KCNH8: variants seen among roughly 807,000 people sequenced by gnomAD.
KCNH8 encodes the protein potassium voltage-gated channel subfamily H member 8.
KCNH8 carries 70 observed loss-of-function variants against 103.6 expected under a neutral mutation model. That is an observed-to-expected ratio of 0.68 (90% CI 0.56 to 0.82). KCNH8 has a LOEUF of 0.82. Ranked by LOEUF, KCNH8 falls within the 40% of genes least tolerant of loss-of-function variation. The pLI, the probability that KCNH8 is intolerant of heterozygous loss-of-function variation, is 0.00. For missense variants in KCNH8, 1,217 were observed against 1,329.9 expected (o/e 0.92, Z 1.32); for synonymous variants, 498 against 489.4 (o/e 1.02, Z -0.23).
At chr3:19,235,495 A>C (rs1270885732) in intron 1 of KCNH8, among the ~76,000 whole-genome samples, 1 of 152,214 alleles carries the variant, frequency 6.6e-6, no homozygotes, top group Non-Finnish European at 1.5e-5. Flanking sequence ...TGTTGGCTGC[A>C]TCTGGAATAT....
At chr3:19,261,845 A>G (rs1331811817) in intron 2 of KCNH8, among the ~76,000 whole-genome samples, 2 of 151,466 alleles carry the variant, frequency 1.3e-5, no homozygotes, top group Non-Finnish European at 2.9e-5. Context: ...TTTTTTTCCC[A>G]GTATCATTTA....
At chr3:19,340,304 A>G (rs2065641157) in intron 3 of KCNH8, among the ~76,000 whole-genome samples, 1 of 148,164 alleles carries the variant, frequency 6.7e-6, no homozygotes, top group South Asian at 2.2e-4. Flanking sequence ...ATGTTTTTGT[A>G]TTTTGCAATA....
At chr3:19,240,135 C>CT (rs1329044794) in intron 1 of KCNH8, among the ~76,000 whole-genome samples, 2 of 152,160 alleles carry the variant, frequency 1.3e-5, no homozygotes, top group African/African-American at 2.4e-5. Context: ...TCACTTTCCG[C>CT]TTTCTTGGCT....
intron 1 of KCNH8, among the ~76,000 whole-genome samples, chr3:19,206,581 A>T (rs2063719142): frequency 6.6e-6 from 1 of 152,006 alleles, no homozygotes; most frequent in Non-Finnish European, 1.5e-5. Context: ...TATTAACCAG[A>T]TAATTATTTG....
chr3:19,516,060 A>T (rs2068869230), intron 14 of KCNH8, among the ~76,000 whole-genome samples: 1 of 152,058 alleles, frequency 6.6e-6, no homozygotes, highest in Non-Finnish European at 1.5e-5. Context: ...TCTAAAGAAG[A>T]CACACCTGTA....
chr3:19,373,081 T>A (rs1291734344), intron 5 of KCNH8, among the ~76,000 whole-genome samples: 6 of 151,920 alleles, frequency 3.9e-5, no homozygotes, highest in Non-Finnish European at 8.8e-5. Context: ...TCTTTTTTGG[T>A]TGTGTCTGTG....
chr3:19,207,003 A>G (rs1279536819), intron 1 of KCNH8, among the ~76,000 whole-genome samples: 1 of 152,014 alleles, frequency 6.6e-6, no homozygotes, highest in African/African-American at 2.4e-5. Context: ...CTCCAGGCAA[A>G]TGGGTCTGGC....
At chr3:19,267,497 T>G (rs551146876) in intron 2 of KCNH8, among the ~76,000 whole-genome samples, 1 of 152,140 alleles carries the variant, frequency 6.6e-6, no homozygotes, top group African/African-American at 2.4e-5. Context: ...GTAGTAAAAA[T>G]TATCTTATCA....
At chr3:19,303,462 A>G (rs766490600) in intron 3 of KCNH8, among the ~76,000 whole-genome samples, 44 of 152,194 alleles carry the variant, frequency 2.9e-4, no homozygotes, top group Non-Finnish European at 4.0e-4. Context: ...GATTTTCACT[A>G]TAGGTCCCTC....
rs573168182 is a variant in KCNH8 at position 19,222,284 on chromosome 3, AT to A, written c.77-31362del. ...GGCTATGCCCTTCTACATAAAACATATTTTTTTTCCTAATTATTTGCAGATA... is the reference window on the plus strand; with the variant it reads ...GGCTATGCCCTTCTACATAAAACATATTTTTTTCCTAATTATTTGCAGATA... On this transcript the variant is annotated intron_variant, in intron 1 of 15. Coordinates refer to ENST00000328405, the MANE Select transcript of KCNH8 (RefSeq NM_144633.3). 1.6e-3 allele frequency among the ~76,000 whole-genome samples: 243 copies of A among 152,078 alleles called. 2 individuals are homozygous for A. Among genetic ancestry groups the A allele is most frequent in the African/African-American group, 5.0e-3 (208 of 41,468 alleles).
intron 7 of KCNH8, among the ~76,000 whole-genome samples, chr3:19,417,210 A>T (rs1036346982): frequency 6.8e-6 from 1 of 146,736 alleles, no homozygotes; most frequent in Non-Finnish European, 1.5e-5. Context: ...ATATATATTC[A>T]TATATGTATA....
At chr3:19,518,160 T>A in intron 15 of KCNH8, 86 bp downstream of exon 15, 1 of 1,024,576 alleles carries the variant, frequency 9.8e-7, no homozygotes, top group Non-Finnish European at 1.5e-6. Flanking sequence ...AATATAGTAG[T>A]TACAAGCATG....
At chr3:19,290,269 C>T (rs1022904538) in intron 3 of KCNH8, among the ~76,000 whole-genome samples, 1 of 152,148 alleles carries the variant, frequency 6.6e-6, no homozygotes, top group African/African-American at 2.4e-5. Flanking sequence ...CTGGCCTGAA[C>T]TTCCAACACT....
intron 11 of KCNH8, among the ~76,000 whole-genome samples, chr3:19,504,306 A>G (rs1208402205): frequency 6.6e-6 from 1 of 152,226 alleles, no homozygotes; most frequent in South Asian, 2.1e-4. Context: ...AAGATGCTGA[A>G]AGCAATTGCA....
chr3:19,459,828 A>G (rs2067593339), intron 11 of KCNH8, among the ~76,000 whole-genome samples: 1 of 152,076 alleles, frequency 6.6e-6, no homozygotes, highest in Non-Finnish European at 1.5e-5. Context: ...AGGAATTTTT[A>G]TCTTTGATAA....
chr3:19,404,069 T>C (rs191500036), intron 7 of KCNH8, among the ~76,000 whole-genome samples: 1 of 152,074 alleles, frequency 6.6e-6, no homozygotes, highest in Admixed American at 6.6e-5. Context: ...AAGGAAATGA[T>C]AAGCAATGAT....
intron 5 of KCNH8, among the ~76,000 whole-genome samples, chr3:19,371,693 T>A (rs1266985510): frequency 1.3e-5 from 2 of 151,116 alleles, no homozygotes; most frequent in African/African-American, 4.9e-5. Flanking sequence ...CCCATGCCTA[T>A]GTCCTGAATG....
At chr3:19,463,614 A>C (rs980734237) in intron 11 of KCNH8, among the ~76,000 whole-genome samples, 5 of 152,178 alleles carry the variant, frequency 3.3e-5, no homozygotes, top group African/African-American at 1.2e-4. Flanking sequence ...AGATTAATAA[A>C]AGTGTATAGG....
chr3:19,345,224 G>C (rs2065714349), intron 4 of KCNH8, among the ~76,000 whole-genome samples: 1 of 152,028 alleles, frequency 6.6e-6, no homozygotes, highest in Non-Finnish European at 1.5e-5. Flanking sequence ...GATCACACTA[G>C]AGCCTTGAAA....
Sources: gnomAD v4.1 joint callset for allele counts (sites outside exome capture counted in the v4.1 genomes callset) on GRCh38, gnomAD v4.1.1 for gene constraint, MANE v1.5 for transcripts, NCBI Gene and HGNC (gene_info 2026-07-23, HGNC 2026-07-21) for gene names.